The following GALNT17 variants were observed in gnomAD, a reference collection of about 807,000 sequenced individuals.
The protein encoded by GALNT17 is UDP-GalNAc:polypeptide N-acetylgalactosaminyltransferase-like 3.
Under a neutral mutation model 63.7 loss-of-function variants are expected in GALNT17, and 29 were observed. That is an observed-to-expected ratio of 0.46 (90% CI 0.34 to 0.62). The LOEUF (loss-of-function observed/expected upper bound fraction) is 0.62. GALNT17 is among the 20% of genes least tolerant of loss of function. The pLI is 0.01. For missense variants in GALNT17, 603 were observed against 799.6 expected (o/e 0.75, Z 2.97); for synonymous variants, 305 against 318.3 (o/e 0.96, Z 0.45).
intron 1 of GALNT17, among the ~76,000 whole-genome samples, chr7:71,279,018 C>T (rs1016976170): frequency 3.3e-5 from 5 of 151,728 alleles, no homozygotes; most frequent in South Asian, 2.1e-4. Flanking sequence ...CTCCACCTCC[C>T]GAGTTCAAGC....
chr7:71,695,785 G>A (rs1791531538), intron 9 of GALNT17, among the ~76,000 whole-genome samples: 1 of 152,170 alleles, frequency 6.6e-6, no homozygotes, highest in Non-Finnish European at 1.5e-5. Flanking sequence ...CTCTGTAGAT[G>A]TCTACAGGCC....
intron 5 of GALNT17, among the ~76,000 whole-genome samples, chr7:71,488,159 C>T (rs1014802226): frequency 4.8e-5 from 7 of 144,330 alleles, no homozygotes; most frequent in Non-Finnish European, 9.1e-5. Context: ...CAGAGCAAGA[C>T]CCTATCTCTT....
intron 1 of GALNT17, among the ~76,000 whole-genome samples, chr7:71,230,926 C>A (rs1469134782): frequency 6.6e-6 from 1 of 152,274 alleles, no homozygotes; most frequent in South Asian, 2.1e-4. Context: ...ACCGCAGACT[C>A]ATTGAATCAG....
chr7:71,269,991 T>G (rs886424749), intron 1 of GALNT17, among the ~76,000 whole-genome samples: 5 of 152,192 alleles, frequency 3.3e-5, no homozygotes, highest in African/African-American at 1.2e-4. Flanking sequence ...TTCATGAGTG[T>G]GTGTGACACC....
intron 1 of GALNT17, among the ~76,000 whole-genome samples, chr7:71,229,125 G>A (rs1186384592): frequency 1.3e-5 from 2 of 152,174 alleles, no homozygotes; most frequent in African/African-American, 4.8e-5. Context: ...TTTGCCCCGG[G>A]TGCTGCATTG....
intron 5 of GALNT17, among the ~76,000 whole-genome samples, chr7:71,452,130 C>T (rs1787273252): frequency 6.6e-6 from 1 of 152,078 alleles, no homozygotes; most frequent in South Asian, 2.1e-4. Flanking sequence ...GTAGTCCCAG[C>T]TTCTTGGGAG....
intron 5 of GALNT17, among the ~76,000 whole-genome samples, chr7:71,458,936 G>A (rs540701349): frequency 1.3e-5 from 2 of 152,286 alleles, no homozygotes; most frequent in South Asian, 2.1e-4. Flanking sequence ...GTGAAAACAG[G>A]AATGGCTGTT....
At chr7:71,597,083 G>C (rs1421336177) in intron 6 of GALNT17, among the ~76,000 whole-genome samples, 2 of 152,010 alleles carry the variant, frequency 1.3e-5, no homozygotes, top group Admixed American at 1.3e-4. Context: ...TGTTGCCCAG[G>C]CTGGAGTGCA....
At position 71,139,699 on chromosome 7, in the gene GALNT17, G is replaced by T. The variant is rs145360653; in HGVS notation, c.238+6659G>T. ...CAGGTCTCCAAGGTGGAGTCAGAAA[G>T]AGAGGAATGGTGGCCGGGCACGGTG... On this transcript the variant is annotated intron_variant, in intron 1 of 10. Transcript: ENST00000333538. 2.6e-5 allele frequency among the ~76,000 whole-genome samples: 4 copies of T among 152,168 alleles called. 1 individual carries two copies. The East Asian group carries it at 7.8e-4, about 30-fold the overall frequency.
intron 5 of GALNT17, among the ~76,000 whole-genome samples, chr7:71,440,665 C>G (rs576786944): frequency 6.6e-6 from 1 of 152,180 alleles, no homozygotes; most frequent in Non-Finnish European, 1.5e-5. Context: ...TGAGCCACCG[C>G]GCCTGGCCAG....
intron 5 of GALNT17, among the ~76,000 whole-genome samples, chr7:71,556,622 T>C (rs6460674): frequency 0.34 from 51,214 of 152,048 alleles, 8,832 homozygotes; most frequent in African/African-American, 0.38. Flanking sequence ...AGTGGCGCTC[T>C]GCTCTCGGCT....
At chr7:71,312,165 G>A (rs1340644643) in intron 1 of GALNT17, among the ~76,000 whole-genome samples, 1 of 152,214 alleles carries the variant, frequency 6.6e-6, no homozygotes, top group Non-Finnish European at 1.5e-5. Context: ...AATTGCCTCT[G>A]AGCTGCACTT....
At chr7:71,388,511 C>A in intron 3 of GALNT17, 110 bp downstream of exon 3, 1 of 1,311,608 alleles carries the variant, frequency 7.6e-7, no homozygotes, top group Non-Finnish European at 1.0e-6. Flanking sequence ...TGGAGCATAT[C>A]TGGGGAAGGG....
chr7:71,663,001 T>C (rs1790932142), intron 6 of GALNT17, among the ~76,000 whole-genome samples: 1 of 152,230 alleles, frequency 6.6e-6, no homozygotes, highest in Non-Finnish European at 1.5e-5. Context: ...TGTTGAAAGT[T>C]AGTTGACCAT....
intron 1 of GALNT17, among the ~76,000 whole-genome samples, chr7:71,265,119 T>TATATATATATATATATATATA (rs58855212): frequency 1.0e-3 from 15 of 14,390 alleles, no homozygotes; most frequent in East Asian, 8.8e-3. Context: ...TATATATATA[T>TATATATATATATATATATATA]TTTTTTTTTT....
In GALNT17 at chr7:71,217,329, C is replaced by T. The variant is rs116756794; in HGVS notation, c.238+84289C>T. 2.8e-3 allele frequency among the ~76,000 whole-genome samples: 419 copies of T among 151,644 alleles called. 1 individual carries two copies. Among genetic ancestry groups the T allele is most frequent in the African/African-American group, 9.3e-3 (383 of 41,366 alleles). ...TATTTTTGGCTTCAATTTTCATTTGCGGGTATATTGTTGCACTTGCATTTG... is the reference window on the plus strand; with the variant it reads ...TATTTTTGGCTTCAATTTTCATTTGTGGGTATATTGTTGCACTTGCATTTG... On this transcript the variant is annotated intron_variant, in intron 1 of 10. Transcript: ENST00000333538.
chr7:71,614,042 C>T (rs1790163296), intron 6 of GALNT17, among the ~76,000 whole-genome samples: 1 of 152,054 alleles, frequency 6.6e-6, no homozygotes, highest in African/African-American at 2.4e-5. Context: ...AGACCTATTA[C>T]TTTTTATTTT....
intron 1 of GALNT17, among the ~76,000 whole-genome samples, chr7:71,254,214 A>G (rs569988567): frequency 1.3e-5 from 2 of 152,336 alleles, no homozygotes; most frequent in Admixed American, 1.3e-4. Context: ...ATCAATAGAA[A>G]GGAGCATTTG....
intron 2 of GALNT17, among the ~76,000 whole-genome samples, 165 bp downstream of exon 2, chr7:71,335,898 T>C (rs1791891945): frequency 6.6e-6 from 1 of 152,138 alleles, no homozygotes; most frequent in African/African-American, 2.4e-5. Flanking sequence ...ATATGAAAGA[T>C]TAGCTAAACA....
Sources: gnomAD v4.1 joint callset for allele counts (sites outside exome capture counted in the v4.1 genomes callset) on GRCh38, gnomAD v4.1.1 for gene constraint, MANE v1.5 for transcripts, NCBI Gene and HGNC (gene_info 2026-07-23, HGNC 2026-07-21) for gene names.